The following PPP4R4 variants were observed in gnomAD, a reference collection of about 807,000 sequenced individuals.
PPP4R4 encodes the protein serine/threonine-protein phosphatase 4 regulatory subunit 4.
PPP4R4 carries 70 observed loss-of-function variants against 121.8 expected under a neutral mutation model. That is an observed-to-expected ratio of 0.57 (90% CI 0.47 to 0.70). The LOEUF (loss-of-function observed/expected upper bound fraction) is 0.70. PPP4R4 is among the 30% of genes least tolerant of loss of function. PPP4R4 has a pLI of 0.00. For synonymous variants in PPP4R4, 348 were observed against 355.7 expected (o/e 0.98, Z 0.24); for missense variants, 875 against 1,033.6 (o/e 0.85, Z 2.10).
At chr14:94,193,620 A>G (rs1392747044) in intron 2 of PPP4R4, among the ~76,000 whole-genome samples, 1 of 152,160 alleles carries the variant, frequency 6.6e-6, no homozygotes, top group Non-Finnish European at 1.5e-5. Flanking sequence ...TCAGGCTGGC[A>G]AGGAGGAAAG....
chr14:94,237,025 A>G (rs190000026), intron 7 of PPP4R4, among the ~76,000 whole-genome samples: 438 of 152,294 alleles, frequency 2.9e-3, no homozygotes, highest in Middle Eastern at 0.014. Flanking sequence ...TTGTGATTGT[A>G]TTATAAATAT....
intron 14 of PPP4R4, 22 bp from the exon 15 acceptor site, chr14:94,250,150 C>G (rs1229979645): frequency 6.0e-6 from 9 of 1,495,010 alleles, no homozygotes; most frequent in Non-Finnish European, 8.4e-6. Context: ...GTGTAACTGT[C>G]TGTCTTACTT....
chr14:94,196,312 T>G (rs1889870339), intron 2 of PPP4R4, among the ~76,000 whole-genome samples: 1 of 142,474 alleles, frequency 7.0e-6, no homozygotes, highest in African/African-American at 2.6e-5. Flanking sequence ...TTCAAAGGTT[T>G]TTTTTTTTTT....
intron 12 of PPP4R4, 140 bp downstream of exon 12, chr14:94,244,852 A>G (rs1892808401): frequency 1.4e-6 from 1 of 728,052 alleles, no homozygotes; most frequent in Non-Finnish European, 2.0e-6. Flanking sequence ...TTGTACCACT[A>G]TATCATAAAT....
At chr14:94,193,020 AT>A (rs1383669685) in intron 2 of PPP4R4, among the ~76,000 whole-genome samples, 1 of 152,212 alleles carries the variant, frequency 6.6e-6, no homozygotes, top group East Asian at 1.9e-4. Flanking sequence ...AGGTAGCCTC[AT>A]TTTGAGAGAT....
In PPP4R4 at chr14:94,234,676, A is replaced by G; in HGVS notation, c.731+7A>G. Reference sequence around the variant, plus strand: ...ATATAGCCCAGGGCATTGGGTAGGTATACTTTGAATTCCTTATGCCATTTC... The same window carrying G: ...ATATAGCCCAGGGCATTGGGTAGGTGTACTTTGAATTCCTTATGCCATTTC... On this transcript the variant is annotated splice_region_variant and intron_variant, in intron 7 of 24. Transcript: ENST00000304338. 2.6e-6 allele frequency: 4 copies of G among 1,532,618 alleles called. No homozygotes were observed. Among genetic ancestry groups the G allele is most frequent in the Non-Finnish European group, 3.6e-6 (4 of 1,107,330 alleles). 94.9% of individuals were successfully genotyped at this position (1,532,618 alleles called of 1,614,324 possible). A position where few individuals can be genotyped will look rare whatever the true frequency, so the allele number is the denominator to read the frequency against.
In PPP4R4 at chr14:94,275,518, C is replaced by A; in HGVS notation, c.2594C>A (p.Thr865Asn). The A allele has an allele frequency of 6.2e-7, 1 of 1,613,966 alleles. No individual in the cohort carries two copies. The highest frequency in any genetic ancestry group is 8.5e-7 in the Non-Finnish European group (1 of 1,179,904). ...AAAGATACACAACCACGGAAGGCTA[C>A]CTTGTAAGTAATCAAGTGATGTCAG... ...GSKDTQPRKA[T>N]LKSRKSNP Residue 865 changes from threonine to asparagine, a missense_variant, in exon 24 of 25, where the codon ACC becomes AAC. Thr to Asn is a moderately conservative substitution (Grantham distance 65). Coordinates refer to ENST00000304338, the MANE Select transcript of PPP4R4 (RefSeq NM_058237.2).
Position 94,264,972 on chromosome 14 carries a change from A to T in PPP4R4, c.2197+25A>T, listed in dbSNP as rs1893963863. The T allele has an allele frequency of 5.5e-6, 8 of 1,448,098 alleles. No individual in the cohort carries two copies. The East Asian group carries it at 1.4e-4, about 25-fold the overall frequency. The allele number at this position is 1,448,098 out of a possible 1,614,324, so 89.7% of individuals were successfully genotyped here. A position where few individuals can be genotyped will look rare whatever the true frequency, so the allele number is the denominator to read the frequency against. On this transcript the variant is annotated intron_variant, in intron 20 of 24. Coordinates refer to ENST00000304338, the MANE Select transcript of PPP4R4 (RefSeq NM_058237.2). ...CGTAAGTAGTTTTTCTATGTCTTCA[A>T]CACTTAATTACATAATTAATGTTGC...
intron 2 of PPP4R4, among the ~76,000 whole-genome samples, chr14:94,183,717 A>C (rs1296514474): frequency 6.6e-6 from 1 of 152,186 alleles, no homozygotes; most frequent in African/African-American, 2.4e-5. Flanking sequence ...GACCCATATA[A>C]TGTCATTGAA....
At position 94,265,857 on chromosome 14, in the gene PPP4R4, C is replaced by T; in HGVS notation, c.2348C>T (p.Ala783Val). 6.2e-7 allele frequency: 1 copy of T among 1,604,688 alleles called. No homozygotes were observed. Among genetic ancestry groups the T allele is most frequent in the South Asian group, 1.1e-5 (1 of 90,502 alleles). ...TCTTTTAATAATCAAGCTTTTCATG[C>T]AAAATATGGCAACTTAGAGAAATGT... The part of the protein sequence containing the change: ...SQSFNNQAFH[A>V]KYGNLEKCAS... The change falls in exon 22 of 25, where the codon GCA becomes GTA. Residue 783 changes from alanine (A) to valine (V), a missense_variant. Coordinates refer to ENST00000304338, the MANE Select transcript of PPP4R4 (RefSeq NM_058237.2).
intron 7 of PPP4R4, among the ~76,000 whole-genome samples, chr14:94,237,208 G>A (rs575280833): frequency 6.6e-6 from 1 of 152,220 alleles, no homozygotes; most frequent in Non-Finnish European, 1.5e-5. Context: ...GGTTTCTGCA[G>A]TTACTACTGA....
intron 23 of PPP4R4, 124 bp downstream of exon 23, chr14:94,267,153 C>G: frequency 1.7e-6 from 1 of 587,830 alleles, no homozygotes; most frequent in South Asian, 3.1e-5. Context: ...TATCAGGTCC[C>G]TAAGAAATTA....
chr14:94,234,938 G>A (rs777856573), intron 7 of PPP4R4, among the ~76,000 whole-genome samples: 2 of 152,152 alleles, frequency 1.3e-5, no homozygotes, highest in Non-Finnish European at 2.9e-5. Flanking sequence ...ATGTTTGACT[G>A]GCTATTCTTT....
chr14:94,229,449 G>C (rs1480350171), intron 3 of PPP4R4, among the ~76,000 whole-genome samples: 1 of 152,078 alleles, frequency 6.6e-6, no homozygotes, highest in Non-Finnish European at 1.5e-5. Flanking sequence ...ATTACAGGAG[G>C]AGCAGGTTTT....
intron 8 of PPP4R4, 43 bp from the exon 9 acceptor site, chr14:94,240,630 A>G (rs754215744): frequency 6.4e-7 from 1 of 1,572,286 alleles, no homozygotes; most frequent in Non-Finnish European, 8.6e-7. Flanking sequence ...TGCAATGTGG[A>G]CGACTGAATT....
At chr14:94,182,212 A>G (rs1039084304) in intron 2 of PPP4R4, among the ~76,000 whole-genome samples, 4 of 152,186 alleles carry the variant, frequency 2.6e-5, no homozygotes, top group African/African-American at 9.6e-5. Context: ...ATAGATTTAA[A>G]AAAGTAATGA....
intron 11 of PPP4R4, 90 bp from the exon 12 acceptor site, chr14:94,244,545 T>C (rs753196702): frequency 1.3e-5 from 14 of 1,043,256 alleles, no homozygotes; most frequent in Non-Finnish European, 1.8e-5. Context: ...AGAAGAAATA[T>C]ATAACAAGGA....
At chr14:94,247,386 G>GTGCC (rs1892952456) in intron 14 of PPP4R4, among the ~76,000 whole-genome samples, 1 of 152,230 alleles carries the variant, frequency 6.6e-6, no homozygotes, top group Non-Finnish European at 1.5e-5. Flanking sequence ...TGGGCTGCAT[G>GTGCC]TGCCTACCTG....
chr14:94,265,488 C>CT lies in PPP4R4; in HGVS notation c.2284+20dup. ...CCCATCGACAAGTAAGAAATAACTT[C>CT]TTTTTATATCTTTTTGTAATTTTTC... On this transcript the variant is annotated intron_variant, in intron 21 of 24. Transcript: ENST00000304338. 1 of 1,567,362 alleles carries CT rather than the reference C, an allele frequency of 6.4e-7. No homozygotes were observed. Among genetic ancestry groups the CT allele is most frequent in the South Asian group, 1.1e-5 (1 of 89,514 alleles).
Sources: gnomAD v4.1 joint callset for allele counts (sites outside exome capture counted in the v4.1 genomes callset) on GRCh38, gnomAD v4.1.1 for gene constraint, MANE v1.5 for transcripts, NCBI Gene and HGNC (gene_info 2026-07-23, HGNC 2026-07-21) for gene names.